Variants in SZT2 observed in about 807,000 individuals in gnomAD.
SZT2 encodes the protein KICSTOR complex protein SZT2.
In SZT2, 216 loss-of-function variants were observed where a neutral mutation model predicts 404.2. The ratio of observed to expected loss-of-function variants is 0.53; its 90% CI spans 0.48 to 0.60. The LOEUF (loss-of-function observed/expected upper bound fraction) is 0.60, where lower values mean the gene tolerates loss of function less well. SZT2 is among the 20% of genes least tolerant of loss of function. The probability of loss-of-function intolerance (pLI) is 0.00; values close to 1 mark genes in which losing one functional copy is unlikely to be tolerated. For missense variants in SZT2, 3,857 were observed against 4,459.2 expected (o/e 0.86, Z 3.85); for synonymous variants, 1,693 against 1,749.9 (o/e 0.97, Z 0.81).
chr1:43,442,312 T>A lies in SZT2; in HGVS notation c.7918T>A (p.Ser2640Thr), dbSNP rs759590945. 2 of 1,613,862 alleles carry A rather than the reference T, an allele frequency of 1.2e-6. No individual in the cohort carries two copies. The highest frequency in any genetic ancestry group is 2.2e-5 in the East Asian group (1 of 44,878). ...CTTCGAGCCAGGAGGTGATGGGAGC[T>A]CAGGGCGAAATGCTCCCCGGCAGAG... Reference protein sequence around the residue: ...QRFEPGGDGSSGRNAPRQRLL... With the variant: ...QRFEPGGDGSTGRNAPRQRLL... The change falls in exon 57 of 72, where the codon TCA becomes ACA. Residue 2640 changes from serine (S) to threonine (T), a missense_variant. By Grantham distance (58) the Ser-to-Thr change is moderately conservative (BLOSUM62 1). Coordinates refer to ENST00000634258, the MANE Select transcript of SZT2 (RefSeq NM_001365999.1). This position sits in a 1 kb window ranked among gnomAD's most constrained non-coding sequence, Gnocchi z 4.5.
intron 15 of SZT2, among the ~76,000 whole-genome samples, chr1:43,423,560 TA>T (rs1360459096): frequency 2.9e-5 from 4 of 140,142 alleles, no homozygotes; most frequent in African/African-American, 8.5e-5. Flanking sequence ...GTATGAGTGG[TA>T]CAGAGGTGTG....
Position 43,425,784 on chromosome 1 carries a change from T to C in SZT2, c.2815-51T>C, listed in dbSNP as rs764296835. The C allele has an allele frequency of 6.3e-7, 1 of 1,597,286 alleles. No homozygotes were observed. The highest frequency in any genetic ancestry group is 8.6e-7 in the Non-Finnish European group (1 of 1,166,640). ...CTTCCTGAAGAGCTGGAACCCAGGG[T>C]ATCCTGGGCTAAGAGGGGTTGACTC... On this transcript the variant is annotated intron_variant, in intron 19 of 71. Coordinates refer to ENST00000634258, the MANE Select transcript of SZT2 (RefSeq NM_001365999.1). This position sits in a 1 kb window ranked among gnomAD's most constrained non-coding sequence, Gnocchi z 4.3.
chr1:43,432,337 T>C lies in SZT2; in HGVS notation c.5340T>C (p.Phe1780=), dbSNP rs904068441. ...AAGACCCTGACAGTGGCTTCTTCTT[T>C]GTGGCAGCTGGCCAACAGCCAGGTG... ...LLEDPDSGFF[F]VAAGQQPGGS... is the part of the protein sequence containing the mutation. The change falls in exon 37 of 72, where the codon TTT becomes TTC. Residue 1780 remains phenylalanine, a synonymous_variant. Transcript: ENST00000634258. 10 of 1,605,888 alleles carry C rather than the reference T, an allele frequency of 6.2e-6. No homozygotes were observed. In the Admixed American group the frequency reaches 1.6e-4, roughly 25 times the overall value.
chr1:43,451,862 AG>A lies in SZT2; in HGVS notation c.*1385del. 1.2e-6 allele frequency: 2 copies of A among 1,614,104 alleles called. No individual in the cohort carries two copies. The highest frequency in any genetic ancestry group is 1.7e-6 in the Non-Finnish European group (2 of 1,179,986). ...GATGGCTGCCGCTGTAAGAGAAGCC[AG>A]GGAGGGGACCGTGAGCCTCAAGAGC... On this transcript the variant is annotated 3_prime_UTR_variant, in exon 72 of 72. Coordinates refer to ENST00000634258, the MANE Select transcript of SZT2 (RefSeq NM_001365999.1).
intron 40 of SZT2, among the ~76,000 whole-genome samples, chr1:43,433,508 G>A (rs764719505): frequency 6.6e-5 from 10 of 152,342 alleles, no homozygotes; most frequent in South Asian, 2.1e-4. Context: ...AAGGCTGGGC[G>A]TGGTAGCTCA....
chr1:43,437,585 T>A lies in SZT2; in HGVS notation c.6291-10T>A, dbSNP rs1458829137. ...GGAGGCATGTCCAAAGACATGCTGC[T>A]CTTTCCCAGGCTCCTAGAGACATCC... On this transcript the variant is annotated splice_polypyrimidine_tract_variant and intron_variant, in intron 44 of 71. Coordinates refer to ENST00000634258, the MANE Select transcript of SZT2 (RefSeq NM_001365999.1). This position sits in a 1 kb window ranked among gnomAD's most constrained non-coding sequence, Gnocchi z 5.3. 1 of 1,614,086 alleles carries A rather than the reference T, an allele frequency of 6.2e-7. No individual in the cohort carries two copies.
Position 43,427,559 on chromosome 1 carries a change from C to G in SZT2, c.3628C>G (p.Pro1210Ala). The G allele has an allele frequency of 6.2e-7, 1 of 1,614,242 alleles. No individual in the cohort carries two copies. Among genetic ancestry groups the G allele is most frequent in the Non-Finnish European group, 8.5e-7 (1 of 1,180,044 alleles). Residue 1210 changes from proline to alanine, a missense_variant, in exon 26 of 72, where the codon CCA (proline) becomes GCA (alanine). Transcript: ENST00000634258. ...TGCCCAGAATCAAGGAGAGCTAAGT[C>G]CACCATTCCGTCGAGACTTACAGGC... The part of the protein sequence containing the change: ...DNAQNQGELS[P>A]PFRRDLQAYA...
chr1:43,437,846 C>T lies in SZT2; in HGVS notation c.6452C>T (p.Pro2151Leu). 6.2e-7 allele frequency: 1 copy of T among 1,614,190 alleles called. No homozygotes were observed. The highest frequency in any genetic ancestry group is 8.5e-7 in the Non-Finnish European group (1 of 1,180,030). The change falls in exon 46 of 72, where the codon CCT becomes CTT. Residue 2151 changes from proline (P) to leucine (L), a missense_variant. Around this residue, in one of 7 missense-constraint regions of SZT2, gnomAD observed 261 missense variants for 372.9 expected, o/e 0.70. Coordinates refer to ENST00000634258, the MANE Select transcript of SZT2 (RefSeq NM_001365999.1). This position sits in a 1 kb window ranked among gnomAD's most constrained non-coding sequence, Gnocchi z 5.3. ...VSSRSSDAAR[P>L]VGQVDRHIQL... ...AGCCGCAGTTCAGATGCTGCTCGTC[C>T]TGTGGGCCAAGTGGACAGACATATC...
At position 43,425,116 on chromosome 1, in the gene SZT2, G is replaced by C. The variant is rs1652979845; in HGVS notation, c.2554G>C (p.Glu852Gln). 1 of 1,614,138 alleles carries C rather than the reference G, an allele frequency of 6.2e-7. No individual in the cohort carries two copies. The highest frequency in any genetic ancestry group is 8.5e-7 in the Non-Finnish European group (1 of 1,180,002). Reference sequence around the variant, plus strand: ...AGATCTCCCATTTTGCCCACAGAATGAACCACCAGGGCAGGCTGCAGCTGA... The same window carrying C: ...AGATCTCCCATTTTGCCCACAGAATCAACCACCAGGGCAGGCTGCAGCTGA... ...NMVLELPIQN[E>Q]PPGQAAAEEK... The change falls in exon 18 of 72, where the codon GAA (glutamate) becomes CAA (glutamine). Residue 852 changes from glutamate (E) to glutamine (Q), a missense_variant. By Grantham distance (29) the Glu-to-Gln change is conservative. Around this residue, in one of 7 missense-constraint regions of SZT2, gnomAD observed 1,725 missense variants for 1,881.0 expected, o/e 0.92. Transcript: ENST00000634258. This position sits in a 1 kb window ranked among gnomAD's most constrained non-coding sequence, Gnocchi z 4.3.
intron 62 of SZT2, chr1:43,445,117 G>C (rs1193581525): frequency 2.0e-5 from 3 of 152,050 alleles, no homozygotes; most frequent in Non-Finnish European, 4.4e-5. Context: ...TTCTCTAAAG[G>C]ACTTTAGTTT....
intron 62 of SZT2, 100 bp downstream of exon 62, chr1:43,443,896 T>C (rs986713766): frequency 6.8e-7 from 1 of 1,471,700 alleles, no homozygotes. Context: ...GTTGACAATT[T>C]GGGCTGGGCC....
In SZT2 at chr1:43,416,006, T is replaced by G; in HGVS notation, c.677T>G (p.Val226Gly). The change falls in exon 6 of 72, where the codon GTA becomes GGA. Residue 226 changes from valine to glycine, a missense_variant. By Grantham distance (109) the Val-to-Gly change is moderately radical. Around this residue, in one of 7 missense-constraint regions of SZT2, gnomAD observed 536 missense variants for 637.4 expected, o/e 0.84. Coordinates refer to ENST00000634258, the MANE Select transcript of SZT2 (RefSeq NM_001365999.1). ...PDSGDLLGRK[V>G]GVSMVTADLG... ...TCAGGGGACCTACTGGGCCGGAAGG[T>G]AGGCGTCTCCATGGTGACAGCTGAT... 6.3e-7 allele frequency: 1 copy of G among 1,598,222 alleles called. No homozygotes were observed. The highest frequency in any genetic ancestry group is 8.5e-7 in the Non-Finnish European group (1 of 1,179,708).
chr1:43,435,172 T>G, intron 41 of SZT2, 28 bp from the exon 42 acceptor site: 1 of 1,610,950 alleles, frequency 6.2e-7, no homozygotes, highest in South Asian at 1.1e-5. Context: ...GGTATTTCAG[T>G]TCCCTGACCT....
intron 13 of SZT2, 36 bp downstream of exon 13, chr1:43,422,668 C>CCACCCCCCCGCCACCT: frequency 6.0e-6 from 5 of 827,752 alleles, no homozygotes; most frequent in Non-Finnish European, 8.4e-6. Context: ...CCCCGCCCCC[C>CCACCCCCCCGCCACCT]CACCCCCCCG....
At chr1:43,399,141 C>T (rs1037708310) in intron 1 of SZT2, among the ~76,000 whole-genome samples, 1 of 152,038 alleles carries the variant, frequency 6.6e-6, no homozygotes, top group African/African-American at 2.4e-5. Context: ...CTTTAATCAT[C>T]CTTGATACCT....
Position 43,442,166 on chromosome 1 carries a change from G to A in SZT2, c.7873+36G>A, listed in dbSNP as rs1478225881. 11 of 1,605,762 alleles carry A rather than the reference G, an allele frequency of 6.9e-6. No individual in the cohort carries two copies. The Middle Eastern group carries it at 5.0e-4, about 72-fold the overall frequency. On this transcript the variant is annotated intron_variant, in intron 56 of 71. Transcript: ENST00000634258. The surrounding 1 kb of genome is among the most constrained non-coding windows in gnomAD (Gnocchi z 4.5). ...GGCCCGGGGGGGCGGGGGGCGGGTA[G>A]GCTAAGAGTAACTGGTGGGGTCTCC...
At chr1:43,410,950 G>C (rs1177103999) in intron 4 of SZT2, among the ~76,000 whole-genome samples, 1 of 152,128 alleles carries the variant, frequency 6.6e-6, no homozygotes, top group East Asian at 1.9e-4. Context: ...ATCCTGTGCT[G>C]CCCTGCCTGG....
At position 43,437,312 on chromosome 1, in the gene SZT2, G is replaced by C. The variant is rs1221335261; in HGVS notation, c.6176G>C (p.Gly2059Ala). 1.2e-6 allele frequency: 2 copies of C among 1,614,152 alleles called. No individual in the cohort carries two copies. Among genetic ancestry groups the C allele is most frequent in the African/African-American group, 1.3e-5 (1 of 75,030 alleles). Reference sequence around the variant, plus strand: ...CGCCTCAAAATGGGGCCCAGCATGGGGGTCTCTCGGGGTATGTGATTGGCA... The same window carrying C: ...CGCCTCAAAATGGGGCCCAGCATGGCGGTCTCTCGGGGTATGTGATTGGCA... Reference protein sequence around the residue: ...HSRLKMGPSMGVSRAIQALRS... With the variant: ...HSRLKMGPSMAVSRAIQALRS... The change falls in exon 43 of 72, where the codon GGG (glycine) becomes GCG (alanine). Residue 2059 changes from glycine (G) to alanine (A), a missense_variant. Gly to Ala is a moderately conservative substitution (Grantham distance 60, BLOSUM62 0). This residue lies in a region of SZT2 where 261 missense variants were observed against 372.9 expected (regional missense o/e 0.70). Coordinates refer to ENST00000634258, the MANE Select transcript of SZT2 (RefSeq NM_001365999.1). The surrounding 1 kb of genome is among the most constrained non-coding windows in gnomAD (Gnocchi z 5.3).
At chr1:43,434,893 G>A (rs971457386) in intron 41 of SZT2, among the ~76,000 whole-genome samples, 2 of 152,338 alleles carry the variant, frequency 1.3e-5, no homozygotes, top group African/African-American at 4.8e-5. Context: ...AGTAGAAGCT[G>A]CTACGAAAGC....
Sources: allele counts gnomAD v4.1 joint callset (sites outside exome capture counted in the v4.1 genomes callset), GRCh38; gene constraint gnomAD v4.1.1; regional missense constraint gnomAD v4.1.1; non-coding constraint Gnocchi (gnomAD v3.1); transcripts MANE v1.5; gene names NCBI Gene and HGNC (gene_info 2026-07-23, HGNC 2026-07-21).